MDGA2: variants seen among roughly 807,000 people sequenced by gnomAD.
MDGA2 encodes MAM domain containing glycosylphosphatidylinositol anchor 2, also known as MAM domain-containing glycosylphosphatidylinositol anchor protein 2.
Under a neutral mutation model 117.8 loss-of-function variants are expected in MDGA2, and 40 were observed. That is an observed-to-expected ratio of 0.34 (90% CI 0.26 to 0.44). MDGA2 has a LOEUF of 0.44. Among genes scored for constraint, MDGA2 ranks in the 20% least tolerant of loss-of-function variants. The pLI is 1.00. For synonymous variants in MDGA2, 452 were observed against 439.0 expected (o/e 1.03, Z -0.37); for missense variants, 1,123 against 1,250.6 (o/e 0.90, Z 1.54).
intron 1 of MDGA2, among the ~76,000 whole-genome samples, chr14:47,607,238 T>A (rs993297314): frequency 2.0e-5 from 3 of 152,124 alleles, no homozygotes; most frequent in African/African-American, 7.2e-5. Flanking sequence ...ACTTCTTTAC[T>A]CTCCTATGAA....
chr14:47,362,428 T>C (rs1219887521), intron 1 of MDGA2, among the ~76,000 whole-genome samples: 1 of 152,192 alleles, frequency 6.6e-6, no homozygotes, highest in African/African-American at 2.4e-5. Context: ...GGCTTTAAAA[T>C]GCATGGATTT....
chr14:47,521,821 A>C (rs1357743518), intron 1 of MDGA2, among the ~76,000 whole-genome samples: 1 of 151,926 alleles, frequency 6.6e-6, no homozygotes, highest in African/African-American at 2.4e-5. Context: ...ACAGGTGCCC[A>C]CCACCACACC....
chr14:47,524,743 AAAT>A (rs1302138830), intron 1 of MDGA2, among the ~76,000 whole-genome samples: 1 of 152,186 alleles, frequency 6.6e-6, no homozygotes, highest in Non-Finnish European at 1.5e-5. Context: ...TGCACAATCA[AAAT>A]AATGTCAGGG....
chr14:47,662,791 C>T (rs1157186172), intron 1 of MDGA2, among the ~76,000 whole-genome samples: 1 of 151,936 alleles, frequency 6.6e-6, no homozygotes, highest in Non-Finnish European at 1.5e-5. Flanking sequence ...TTCTAAACCC[C>T]GATTTTCACA....
chr14:47,662,263 T>C (rs887597815), intron 1 of MDGA2, among the ~76,000 whole-genome samples: 1 of 151,964 alleles, frequency 6.6e-6, no homozygotes, highest in Non-Finnish European at 1.5e-5. Context: ...TGAATACACA[T>C]ACGCACTCTT....
intron 2 of MDGA2, among the ~76,000 whole-genome samples, chr14:47,268,409 T>C (rs1228664461): frequency 1.3e-5 from 2 of 152,098 alleles, no homozygotes; most frequent in East Asian, 3.9e-4. Flanking sequence ...AAATTCATTA[T>C]AAAAATAATT....
At chr14:47,427,634 G>T (rs934782016) in intron 1 of MDGA2, among the ~76,000 whole-genome samples, 3 of 152,122 alleles carry the variant, frequency 2.0e-5, no homozygotes, top group Non-Finnish European at 4.4e-5. Context: ...TCACCAGGTT[G>T]TGTGGTGGGA....
intron 8 of MDGA2, among the ~76,000 whole-genome samples, chr14:46,982,420 A>C (rs1035094230): frequency 6.6e-6 from 1 of 152,022 alleles, no homozygotes; most frequent in Non-Finnish European, 1.5e-5. Flanking sequence ...CCTTTAAAAA[A>C]CAAATGCTGG....
chr14:47,255,250 C>T (rs900279696), intron 2 of MDGA2, among the ~76,000 whole-genome samples: 4 of 152,074 alleles, frequency 2.6e-5, no homozygotes, highest in South Asian at 2.1e-4. Context: ...TTAGGCAAAG[C>T]GTGGTAGTAT....
At chr14:46,894,387 CT>C (rs1351583480) in intron 10 of MDGA2, among the ~76,000 whole-genome samples, 1 of 152,080 alleles carries the variant, frequency 6.6e-6, no homozygotes, top group East Asian at 1.9e-4. Flanking sequence ...CAAATGTGTG[CT>C]TTATTTACAT....
intron 8 of MDGA2, among the ~76,000 whole-genome samples, chr14:46,997,955 T>C (rs1356152347): frequency 3.9e-5 from 6 of 152,046 alleles, no homozygotes; most frequent in Non-Finnish European, 7.4e-5. Context: ...ACACTTTAAG[T>C]TTAAAGGCCA....
At chr14:47,527,141 C>T (rs1376042893) in intron 1 of MDGA2, among the ~76,000 whole-genome samples, 7 of 152,228 alleles carry the variant, frequency 4.6e-5, no homozygotes, top group East Asian at 3.9e-4. Context: ...GAGATGATTA[C>T]GGGAGAGTCA....
chr14:47,381,716 A>G (rs1393233852), intron 1 of MDGA2, among the ~76,000 whole-genome samples: 1 of 152,226 alleles, frequency 6.6e-6, no homozygotes, highest in Non-Finnish European at 1.5e-5. Context: ...AAAAGAGGAC[A>G]CAAACAAATG....
intron 1 of MDGA2, among the ~76,000 whole-genome samples, chr14:47,536,705 C>T (rs1282782830): frequency 2.0e-5 from 3 of 152,182 alleles, no homozygotes; most frequent in Non-Finnish European, 2.9e-5. Flanking sequence ...GATGGAGTCT[C>T]GCTCTATTGC....
intron 1 of MDGA2, among the ~76,000 whole-genome samples, chr14:47,383,813 C>G (rs917799075): frequency 1.3e-5 from 2 of 152,134 alleles, no homozygotes; most frequent in African/African-American, 2.4e-5. Context: ...GCGTGAACCA[C>G]CACACCCGGA....
At chr14:47,221,872 T>G (rs1260996350) in intron 2 of MDGA2, among the ~76,000 whole-genome samples, 1 of 151,980 alleles carries the variant, frequency 6.6e-6, no homozygotes, top group East Asian at 1.9e-4. Flanking sequence ...GGGTACGATG[T>G]GATGTTTTAA....
intron 7 of MDGA2, chr14:47,059,208 T>C (rs1186833436): frequency 2.3e-6 from 2 of 874,692 alleles, no homozygotes; most frequent in Non-Finnish European, 1.6e-6. Context: ...CTATGTGCCA[T>C]GTATTGTTTC....
intron 1 of MDGA2, among the ~76,000 whole-genome samples, chr14:47,446,686 A>G (rs1893129435): frequency 6.6e-6 from 1 of 152,132 alleles, no homozygotes; most frequent in Non-Finnish European, 1.5e-5. Context: ...CAGTGAGATC[A>G]TCCACTCTCC....
chr14:47,352,132 A>T (rs1298609821), intron 1 of MDGA2, among the ~76,000 whole-genome samples: 1 of 152,160 alleles, frequency 6.6e-6, no homozygotes, highest in East Asian at 1.9e-4. Flanking sequence ...TTCAAAAATT[A>T]AATGCAATTT....
Sources: gnomAD v4.1 joint callset for allele counts (sites outside exome capture counted in the v4.1 genomes callset) on GRCh38, gnomAD v4.1.1 for gene constraint, MANE v1.5 for transcripts, NCBI Gene and HGNC (gene_info 2026-07-23, HGNC 2026-07-21) for gene names.